CDH12: variants seen among roughly 807,000 people sequenced by gnomAD.
CDH12 encodes the protein cadherin 12, also known as cadherin-12.
A neutral mutation model predicts 74.1 loss-of-function variants in CDH12; 41 were observed. The observed-to-expected ratio is 0.55, with a 90% CI of 0.43 to 0.72. The LOEUF is 0.72. Ranked by LOEUF, CDH12 falls within the 30% of genes least tolerant of loss-of-function variation. The pLI is 0.00. For missense variants in CDH12, 945 were observed against 977.2 expected (o/e 0.97, Z 0.44); for synonymous variants, 399 against 355.0 (o/e 1.12, Z -1.39).
intron 1 of CDH12, among the ~76,000 whole-genome samples, chr5:22,607,555 G>A (rs903574102): frequency 1.1e-4 from 16 of 152,186 alleles, no homozygotes; most frequent in Admixed American, 1.3e-4. Context: ...GCATGGAAAC[G>A]AATGGCCCCC....
intron 2 of CDH12, among the ~76,000 whole-genome samples, chr5:22,502,650 A>G (rs1176970420): frequency 1.4e-5 from 2 of 139,948 alleles, no homozygotes; most frequent in South Asian, 2.3e-4. Context: ...ACACACACAC[A>G]CGCACACACA....
At chr5:22,236,910 CCTT>C (rs1752579168) in intron 3 of CDH12, among the ~76,000 whole-genome samples, 2 of 152,016 alleles carry the variant, frequency 1.3e-5, no homozygotes, top group Non-Finnish European at 1.5e-5. Flanking sequence ...AATAACAAAA[CCTT>C]CTTCTGGAAT....
intron 4 of CDH12, among the ~76,000 whole-genome samples, chr5:22,127,982 A>G (rs1175333650): frequency 2.6e-5 from 4 of 151,832 alleles, no homozygotes; most frequent in Admixed American, 6.6e-5. Context: ...TAAATGTGTA[A>G]TATGCTATCT....
chr5:22,116,621 AC>A (rs1056801745), intron 4 of CDH12, among the ~76,000 whole-genome samples: 7 of 151,694 alleles, frequency 4.6e-5, no homozygotes, highest in African/African-American at 1.5e-4. Context: ...AAAAAAAAAA[AC>A]AATCCAAGCC....
rs570925360 is a variant in CDH12, at chr5:22,631,438, T to C, written c.-522-126074A>G. The stretch of plus-strand genomic sequence containing the variant: ...AATAAAAAGTGGTTTATATACACCA[T>C]AGAATACTTTGCAGCCTTAAAAAAA... On this transcript the variant is annotated intron_variant, in intron 1 of 14. Coordinates refer to ENST00000382254, the MANE Select transcript of CDH12 (RefSeq NM_004061.5). Among the ~76,000 whole-genome samples, 15 of 146,870 alleles carry C rather than the reference T, an allele frequency of 1.0e-4. 1 individual carries two copies. The South Asian group carries it at 2.9e-3, about 29-fold the overall frequency.
chr5:21,941,283 A>T (rs918808054), intron 6 of CDH12, among the ~76,000 whole-genome samples: 1 of 152,192 alleles, frequency 6.6e-6, no homozygotes, highest in Non-Finnish European at 1.5e-5. Flanking sequence ...CTATCTAAAC[A>T]TCAAAAACAA....
At chr5:21,814,861 C>T (rs1747954710) in intron 9 of CDH12, among the ~76,000 whole-genome samples, 1 of 141,298 alleles carries the variant, frequency 7.1e-6, no homozygotes, top group Middle Eastern at 3.6e-3. Context: ...TGTTGGAGAC[C>T]TTCTTAGGGA....
intron 4 of CDH12, among the ~76,000 whole-genome samples, chr5:22,089,043 G>T (rs1010384501): frequency 3.9e-5 from 6 of 152,150 alleles, no homozygotes; most frequent in Non-Finnish European, 7.4e-5. Context: ...ACTGGCTACG[G>T]GGGCTTACAA....
At chr5:22,685,725 C>T (rs971467045) in intron 1 of CDH12, among the ~76,000 whole-genome samples, 1 of 152,192 alleles carries the variant, frequency 6.6e-6, no homozygotes, top group Non-Finnish European at 1.5e-5. Context: ...TAACATGCAT[C>T]ATTCTTTCTT....
Position 22,222,288 on chromosome 5 carries a change from G to A in CDH12, c.-332-9645C>T, listed in dbSNP as rs572403711. 2.2e-4 allele frequency among the ~76,000 whole-genome samples: 33 copies of A among 151,922 alleles called. No individual in the cohort carries two copies. In the East Asian group the frequency reaches 2.5e-3, roughly 12 times the overall value. On this transcript the variant is annotated intron_variant, in intron 3 of 14. Coordinates refer to ENST00000382254, the MANE Select transcript of CDH12 (RefSeq NM_004061.5). ...AAAAGCTATCACAATTTACCACACC[G>A]GAACTATTTTCATTTAGTAAAGTTC...
intron 4 of CDH12, among the ~76,000 whole-genome samples, chr5:22,097,267 A>G (rs956833752): frequency 1.3e-5 from 2 of 152,130 alleles, no homozygotes; most frequent in African/African-American, 4.8e-5. Flanking sequence ...CTCTGGCCCA[A>G]GGCTCTCTGA....
chr5:21,872,911 A>ATCTATCTATCTG (rs1362065744), intron 6 of CDH12, among the ~76,000 whole-genome samples: 11 of 151,750 alleles, frequency 7.2e-5, no homozygotes, highest in Non-Finnish European at 1.3e-4. Context: ...CTATCTATCT[A>ATCTATCTATCTG]TCTATCTATC....
At chr5:22,813,579 G>A (rs1749250603) in intron 1 of CDH12, among the ~76,000 whole-genome samples, 1 of 152,006 alleles carries the variant, frequency 6.6e-6, no homozygotes, top group Non-Finnish European at 1.5e-5. Context: ...AAGGTGATGG[G>A]ATGTCATTTC....
intron 1 of CDH12, among the ~76,000 whole-genome samples, chr5:22,510,676 T>G (rs1368428076): frequency 1.3e-5 from 2 of 152,148 alleles, no homozygotes; most frequent in Non-Finnish European, 2.9e-5. Context: ...TCTAGATTAC[T>G]TATAATAATT....
intron 1 of CDH12, among the ~76,000 whole-genome samples, chr5:22,652,249 G>T (rs1390379742): frequency 6.6e-6 from 1 of 152,110 alleles, no homozygotes; most frequent in Non-Finnish European, 1.5e-5. Flanking sequence ...CAGCACTTAA[G>T]AGACAATACT....
chr5:22,498,313 T>C (rs1747189963), intron 2 of CDH12, among the ~76,000 whole-genome samples: 1 of 152,162 alleles, frequency 6.6e-6, no homozygotes, highest in Admixed American at 6.5e-5. Flanking sequence ...AACTTGTTTG[T>C]ATTCTCCTCA....
chr5:21,982,544 G>A (rs1235206770), intron 5 of CDH12, among the ~76,000 whole-genome samples: 1 of 151,088 alleles, frequency 6.6e-6, no homozygotes, highest in East Asian at 1.9e-4. Flanking sequence ...CATATATAGA[G>A]ATCCATATAT....
At chr5:22,153,830 G>T (rs1354121171) in intron 4 of CDH12, among the ~76,000 whole-genome samples, 2 of 139,538 alleles carry the variant, frequency 1.4e-5, no homozygotes, top group Non-Finnish European at 3.1e-5. Context: ...ATAAAGAAAA[G>T]GTTATATATA....
intron 3 of CDH12, among the ~76,000 whole-genome samples, chr5:22,284,797 A>T (rs1737062413): frequency 1.3e-5 from 2 of 152,080 alleles, no homozygotes; most frequent in Admixed American, 1.3e-4. Context: ...GCCACATTGT[A>T]TTTAAGGATT....
Sources: allele counts gnomAD v4.1 joint callset (sites outside exome capture counted in the v4.1 genomes callset), GRCh38; gene constraint gnomAD v4.1.1; transcripts MANE v1.5; gene names NCBI Gene and HGNC (gene_info 2026-07-23, HGNC 2026-07-21).